NR2F6: variants seen among roughly 807,000 people sequenced by gnomAD.
NR2F6 encodes the protein nuclear receptor subfamily 2 group F member 6, also known as ERBA-related gene-2.
A neutral mutation model predicts 26.5 loss-of-function variants in NR2F6; 16 were observed. The observed-to-expected ratio is 0.60, with a 90% CI of 0.41 to 0.92. The LOEUF is 0.92. NR2F6 is among the 40% of genes least tolerant of loss of function. NR2F6 has a pLI of 0.00. For missense variants in NR2F6, 536 were observed against 631.7 expected, an observed-to-expected ratio of 0.85 and a Z score of 1.62; for synonymous variants, 325 against 305.0, an observed-to-expected ratio of 1.07 and a Z score of -0.68.
intron 1 of NR2F6, among the ~76,000 whole-genome samples, chr19:17,241,844 C>T (rs550535102): frequency 2.5e-4 from 37 of 150,818 alleles, no homozygotes; most frequent in Middle Eastern, 3.5e-3. Context: ...GGTGAAACCC[C>T]GTCTCTACTA....
chr19:17,240,889 G>A, intron 1 of NR2F6, 124 bp from the exon 2 acceptor site: 1 of 912,120 alleles, frequency 1.1e-6, no homozygotes, highest in Non-Finnish European at 1.7e-6. Flanking sequence ...GACTGGAGAG[G>A]TAGCCCCAAA....
rs1192910213 is a variant in NR2F6 at position 17,245,089 on chromosome 19, C to T, written c.132G>A (p.Pro44=). ...GCAGCCCCGGCCGCTCCTCGTCGCC[C>T]GGCTCGGCGTCGCTGGCGGCACCGG... ...SPPGAASDAE[P]GDEERPGLQV... Residue 44 remains proline, a synonymous_variant, in exon 1 of 4, where the codon CCG becomes CCA. Coordinates refer to ENST00000291442, the MANE Select transcript of NR2F6 (RefSeq NM_005234.4). The surrounding 1 kb of genome is among the most constrained non-coding windows in gnomAD (Gnocchi z 5.0). 1 of 1,582,518 alleles carries T rather than the reference C, an allele frequency of 6.3e-7. No individual in the cohort carries two copies. Among genetic ancestry groups the T allele is most frequent in the Non-Finnish European group, 8.6e-7 (1 of 1,166,668 alleles).
chr19:17,242,996 A>G (rs2073477609), intron 1 of NR2F6, among the ~76,000 whole-genome samples: 2 of 151,928 alleles, frequency 1.3e-5, no homozygotes, highest in African/African-American at 4.8e-5. Flanking sequence ...GCTCCCCATT[A>G]CCCTCAGCCA....
At position 17,232,556 on chromosome 19, in the gene NR2F6, C is replaced by A. The variant is rs1379823276; in HGVS notation, c.1011G>T (p.Glu337Asp). ...LQEKAQVALT[E>D]YVRAQYPSQP... Reference sequence around the variant, plus strand: ...GGGACGGGTACTGCGCCCGCACATACTCGGTGAGGGCCACCTGCGCCTTCT... The same window carrying A: ...GGGACGGGTACTGCGCCCGCACATAATCGGTGAGGGCCACCTGCGCCTTCT... The change falls in exon 4 of 4, where the codon GAG (glutamate) becomes GAT (aspartate). Residue 337 changes from glutamate to aspartate, a missense_variant. Transcript: ENST00000291442. 1.1e-5 allele frequency: 17 copies of A among 1,598,108 alleles called. No individual in the cohort carries two copies. The highest frequency in any genetic ancestry group is 1.5e-5 in the Non-Finnish European group (17 of 1,170,790).
chr19:17,240,276 G>A (rs866110068), intron 2 of NR2F6, among the ~76,000 whole-genome samples: 2 of 152,212 alleles, frequency 1.3e-5, no homozygotes, highest in African/African-American at 4.8e-5. Context: ...CGCGGTGGCC[G>A]CGCTAGCAGA....
rs1186118117 is a variant in NR2F6 at position 17,235,040 on chromosome 19, C to A, written c.940+459G>T. The stretch of plus-strand genomic sequence containing the variant: ...CGCCCCTACCCAGATCCCTACAACC[C>A]TGGCTACCTGGAGGTTGCCCTGGGA... On this transcript the variant is annotated intron_variant, in intron 3 of 3. Transcript: ENST00000291442. This position sits in a 1 kb window ranked among gnomAD's most constrained non-coding sequence, Gnocchi z 5.0. Among the ~76,000 whole-genome samples, 1 of 152,254 alleles carries A rather than the reference C, an allele frequency of 6.6e-6. No individual in the cohort carries two copies. The highest frequency in any genetic ancestry group is 1.9e-4 in the East Asian group (1 of 5,200).
chr19:17,232,268 G>A lies in NR2F6; in HGVS notation c.*84C>T, dbSNP rs967367991. ...GAGAGAAGCCAGAGTCCTGGGCCCC[G>A]GGAGGCCCCTCGAGGCCTCAGCATT... On this transcript the variant is annotated 3_prime_UTR_variant, in exon 4 of 4. Transcript: ENST00000291442. 1.2e-5 allele frequency: 18 copies of A among 1,547,294 alleles called. No individual in the cohort carries two copies. The highest frequency in any genetic ancestry group is 1.8e-4 in the Middle Eastern group (1 of 5,452).
intron 2 of NR2F6, among the ~76,000 whole-genome samples, chr19:17,237,610 C>T (rs543930833): frequency 6.6e-6 from 1 of 152,228 alleles, no homozygotes; most frequent in East Asian, 1.9e-4. Context: ...CGGGGTTTCA[C>T]CATGTTGGCC....
At position 17,245,279 on chromosome 19, in the gene NR2F6, C is replaced by G. The variant is rs1599458929; in HGVS notation, c.-59G>C. ...CGCGCTCTTCCCTCCGGGCACCCCT[C>G]TCGGCCCGGGGGACCCTACGCGGCG... On this transcript the variant is annotated 5_prime_UTR_variant, in exon 1 of 4. Transcript: ENST00000291442. This position sits in a 1 kb window ranked among gnomAD's most constrained non-coding sequence, Gnocchi z 5.0. 1.7e-6 allele frequency: 2 copies of G among 1,196,692 alleles called. No individual in the cohort carries two copies. Among genetic ancestry groups the G allele is most frequent in the East Asian group, 7.3e-5 (2 of 27,218 alleles). 74.1% of individuals were successfully genotyped at this position (1,196,692 alleles called of 1,614,324 possible).
chr19:17,234,942 C>G (rs1599453107), intron 3 of NR2F6, among the ~76,000 whole-genome samples: 1 of 152,182 alleles, frequency 6.6e-6, no homozygotes, highest in Non-Finnish European at 1.5e-5. Context: ...GATGGGCTAC[C>G]ACTGCTAGAT....
At chr19:17,244,709 G>A (rs1469698702) in intron 1 of NR2F6, among the ~76,000 whole-genome samples, 1 of 152,224 alleles carries the variant, frequency 6.6e-6, no homozygotes, top group East Asian at 1.9e-4. Flanking sequence ...AAGTAACTGG[G>A]GCAAAAGCCT....
chr19:17,245,414 C>A lies in NR2F6; in HGVS notation c.-194G>T, dbSNP rs2073493261. ...CCGGGCGGAACTGGTCGGGCCGGTT[C>A]CAGGCCAACTTTCCCACGCGTGCGC... On this transcript the variant is annotated 5_prime_UTR_variant, in exon 1 of 4. Transcript: ENST00000291442. The surrounding 1 kb of genome is among the most constrained non-coding windows in gnomAD (Gnocchi z 5.0). 2 of 361,506 alleles carry A rather than the reference C, an allele frequency of 5.5e-6. No homozygotes were observed. The highest frequency in any genetic ancestry group is 5.8e-5 in the East Asian group (1 of 17,262). The allele number at this position is 361,506 out of a possible 1,614,324, so 22.4% of individuals were successfully genotyped here. A position where few individuals can be genotyped will look rare whatever the true frequency, so the allele number is the denominator to read the frequency against.
intron 3 of NR2F6, among the ~76,000 whole-genome samples, chr19:17,233,756 A>ACC (rs1324505999): frequency 6.6e-6 from 1 of 150,758 alleles, no homozygotes; most frequent in African/African-American, 2.4e-5. Context: ...TCGGCCTCCC[A>ACC]AAGTGCTGGG....
Position 17,235,926 on chromosome 19 carries a change from C to T in NR2F6, c.513G>A (p.Ala171=). The part of the protein sequence containing the change: ...FPGQPVSELI[A]QLLRAEPYPA... ...GGTAGGGCTCAGCGCGCAGCAGCTG[C>T]GCGATCAGTTCGGACACCGGCTGCC... Residue 171 remains alanine (A), a synonymous_variant, in exon 3 of 4, where the codon GCG becomes GCA. Transcript: ENST00000291442. The surrounding 1 kb of genome is among the most constrained non-coding windows in gnomAD (Gnocchi z 5.0). The T allele has an allele frequency of 1.4e-6, 2 of 1,480,374 alleles. No individual in the cohort carries two copies. The highest frequency in any genetic ancestry group is 2.3e-5 in the Admixed American group (1 of 43,976). The allele number at this position is 1,480,374 out of a possible 1,614,324, so 91.7% of individuals were successfully genotyped here.
At chr19:17,239,400 T>C (rs1328530916) in intron 2 of NR2F6, among the ~76,000 whole-genome samples, 1 of 151,472 alleles carries the variant, frequency 6.6e-6, no homozygotes, top group Non-Finnish European at 1.5e-5. Flanking sequence ...CTTACGCCTG[T>C]AATCCCAGCA....
Position 17,245,179 on chromosome 19 carries a change from G to A in NR2F6, c.42C>T (p.Asp14=), listed in dbSNP as rs1183279641. 4 of 1,398,594 alleles carry A rather than the reference G, an allele frequency of 2.9e-6. No homozygotes were observed. Among genetic ancestry groups the A allele is most frequent in the Non-Finnish European group, 3.7e-6 (4 of 1,073,908 alleles). The allele number at this position is 1,398,594 out of a possible 1,614,324, so 86.6% of individuals were successfully genotyped here. A position where few individuals can be genotyped will look rare whatever the true frequency, so the allele number is the denominator to read the frequency against. Residue 14 remains aspartate (D), a synonymous_variant, in exon 1 of 4, where the codon GAC becomes GAT. Transcript: ENST00000291442. This position sits in a 1 kb window ranked among gnomAD's most constrained non-coding sequence, Gnocchi z 5.0. ...VTGGWGGPGG[D]TNGVDKAGGY... ...CGCCCGCCTTGTCCACGCCGTTCGTGTCGCCGCCGGGGCCGCCCCAGCCGC... is the reference window on the plus strand; with the variant it reads ...CGCCCGCCTTGTCCACGCCGTTCGTATCGCCGCCGGGGCCGCCCCAGCCGC...
Position 17,232,278 on chromosome 19 carries a change from T to G in NR2F6, c.*74A>C. On this transcript the variant is annotated 3_prime_UTR_variant, in exon 4 of 4. Transcript: ENST00000291442. ...AGAGTCCTGGGCCCCGGGAGGCCCC[T>G]CGAGGCCTCAGCATTCCCTGTCCCT... The G allele has an allele frequency of 6.3e-7, 1 of 1,586,296 alleles. No homozygotes were observed. The highest frequency in any genetic ancestry group is 8.6e-7 in the Non-Finnish European group (1 of 1,164,210).
Position 17,235,496 on chromosome 19 carries a change from C to T in NR2F6, c.940+3G>A, listed in dbSNP as rs368176816. On this transcript the variant is annotated splice_donor_region_variant and intron_variant, in intron 3 of 3. Coordinates refer to ENST00000291442, the MANE Select transcript of NR2F6 (RefSeq NM_005234.4). This position sits in a 1 kb window ranked among gnomAD's most constrained non-coding sequence, Gnocchi z 5.0. ...CCGCGGCCCTCTTCGGAGCGTGGCT[C>T]ACCGGGCGTGAAGAGCGCGATGGCC... 5 of 1,582,604 alleles carry T rather than the reference C, an allele frequency of 3.2e-6. No homozygotes were observed. Among genetic ancestry groups the T allele is most frequent in the African/African-American group, 1.3e-5 (1 of 74,268 alleles).
chr19:17,244,913 ACGG>A, intron 1 of NR2F6, 27 bp downstream of exon 1: 1 of 1,553,002 alleles, frequency 6.4e-7, no homozygotes, highest in Non-Finnish European at 8.7e-7. Context: ...GGCGGGGTGC[ACGG>A]CGGCGGCGCG....
Sources: gnomAD v4.1 joint callset for allele counts (sites outside exome capture counted in the v4.1 genomes callset) on GRCh38, gnomAD v4.1.1 for gene constraint, Gnocchi (gnomAD v3.1) non-coding constraint, MANE v1.5 for transcripts, NCBI Gene and HGNC (gene_info 2026-07-23, HGNC 2026-07-21) for gene names.